The following NFYC variants were observed in gnomAD, a reference collection of about 807,000 sequenced individuals.
NFYC encodes CAAT box DNA-binding protein subunit C.
A neutral mutation model predicts 53.1 loss-of-function variants in NFYC; 25 were observed. The ratio of observed to expected loss-of-function variants is 0.47; its 90% confidence interval spans 0.34 to 0.66. The LOEUF (loss-of-function observed/expected upper bound fraction) is 0.66. NFYC is among the 30% of genes least tolerant of loss of function. The probability of loss-of-function intolerance (pLI) is 0.01; values close to 1 mark genes in which losing one functional copy is unlikely to be tolerated. For missense variants in NFYC, 260 were observed against 422.7 expected, an observed-to-expected ratio of 0.62 and a Z score of 3.38; for synonymous variants, 145 against 152.6, an observed-to-expected ratio of 0.95 and a Z score of 0.37.
intron 1 of NFYC, among the ~76,000 whole-genome samples, chr1:40,733,011 C>A (rs1253384423): frequency 1.1e-4 from 8 of 74,706 alleles, no homozygotes; most frequent in African/African-American, 3.1e-4. Flanking sequence ...AAGATTCGCC[C>A]CCCCCCCCTT....
chr1:40,715,333 T>C (rs1644093377), intron 1 of NFYC, among the ~76,000 whole-genome samples: 1 of 148,696 alleles, frequency 6.7e-6, no homozygotes, highest in Non-Finnish European at 1.5e-5. Context: ...CAGTGAGCCA[T>C]GATAGTGCCA....
chr1:40,697,072 A>G (rs1643187789), intron 1 of NFYC, among the ~76,000 whole-genome samples: 1 of 152,180 alleles, frequency 6.6e-6, no homozygotes. Flanking sequence ...CAGTGCATTT[A>G]CCCTCTGTGC....
intron 1 of NFYC, among the ~76,000 whole-genome samples, chr1:40,700,616 G>C (rs1230298018): frequency 6.6e-6 from 1 of 151,960 alleles, no homozygotes; most frequent in African/African-American, 2.4e-5. Flanking sequence ...AGAGTGTTGG[G>C]ATTACAGGTG....
In NFYC at chr1:40,771,455, A is replaced by T. The variant is rs1314221347; in HGVS notation, c.*627A>T. The T allele has an allele frequency of 2.1e-6, 1 of 470,062 alleles. No individual in the cohort carries two copies. Among genetic ancestry groups the T allele is most frequent in the South Asian group, 1.6e-5 (1 of 64,350 alleles). The allele number at this position is 470,062 out of a possible 1,614,324, so 29.1% of individuals were successfully genotyped here. On this transcript the variant is annotated 3_prime_UTR_variant, in exon 10 of 10. Transcript: ENST00000447388. ...GGAGAGTGGGTGGATTCATTGCCAC[A>T]CTCTTTTCTCCCAGGGACCCAGGAA...
At chr1:40,728,009 G>T (rs931561169) in intron 1 of NFYC, among the ~76,000 whole-genome samples, 8 of 152,030 alleles carry the variant, frequency 5.3e-5, no homozygotes, top group Non-Finnish European at 8.8e-5. Flanking sequence ...TGTGATCTCG[G>T]ATCACTGCAG....
At chr1:40,715,408 CTTT>C (rs778550066) in intron 1 of NFYC, among the ~76,000 whole-genome samples, 2 of 145,922 alleles carry the variant, frequency 1.4e-5, no homozygotes, top group African/African-American at 2.5e-5. Context: ...AAAACAAAAA[CTTT>C]TTTTTTTTTT....
chr1:40,705,815 C>T (rs910079249), intron 1 of NFYC, among the ~76,000 whole-genome samples: 2 of 152,254 alleles, frequency 1.3e-5, no homozygotes, highest in East Asian at 1.9e-4. Flanking sequence ...GGGATGATCA[C>T]GGCTCATTGC....
intron 4 of NFYC, among the ~76,000 whole-genome samples, chr1:40,751,149 A>G (rs947937121): frequency 6.6e-6 from 1 of 152,240 alleles, no homozygotes; most frequent in African/African-American, 2.4e-5. Flanking sequence ...ATATAGGAAT[A>G]TATAAACAAA....
At chr1:40,769,747 C>T (rs763283725) in intron 9 of NFYC, among the ~76,000 whole-genome samples, 9 of 152,100 alleles carry the variant, frequency 5.9e-5, no homozygotes, top group Non-Finnish European at 7.4e-5. Context: ...CTGTTTCCCT[C>T]TCTAGAACTG....
chr1:40,720,264 T>C (rs906440675), intron 1 of NFYC, among the ~76,000 whole-genome samples: 6 of 152,320 alleles, frequency 3.9e-5, no homozygotes, highest in Admixed American at 2.0e-4. Context: ...CAAGCTCATA[T>C]TGACATTATT....
chr1:40,766,782 A>G, intron 8 of NFYC, 79 bp downstream of exon 8: 1 of 1,510,124 alleles, frequency 6.6e-7, no homozygotes, highest in Non-Finnish European at 9.2e-7. Context: ...CGCTCAGCAC[A>G]CAGCTGTCTT....
chr1:40,766,563 C>T lies in NFYC; in HGVS notation c.721-33C>T, dbSNP rs1329362320. On this transcript the variant is annotated intron_variant, in intron 7 of 9. Transcript: ENST00000447388. ...GCCTGTTTGAGATTATACTCAATGT[C>T]TTATGGTCTCTTTGTCTCTGCCCCT... 4.6e-6 allele frequency: 7 copies of T among 1,521,052 alleles called. 1 individual carries two copies. The Admixed American group carries it at 1.0e-4, about 23-fold the overall frequency. 94.2% of individuals were successfully genotyped at this position (1,521,052 alleles called of 1,614,324 possible).
intron 1 of NFYC, chr1:40,695,579 C>T (rs532068): frequency 0.12 from 18,652 of 152,042 alleles, 1,268 homozygotes; most frequent in African/African-American, 0.15. Context: ...CACCACAACA[C>T]CCAGCTAATT....
At chr1:40,769,284 T>C in intron 8 of NFYC, 72 bp from the exon 9 acceptor site, 4 of 1,476,774 alleles carry the variant, frequency 2.7e-6, no homozygotes, top group Non-Finnish European at 2.8e-6. Flanking sequence ...TTTATGACCC[T>C]CTTTTGGGTG....
In NFYC at chr1:40,753,363, C is replaced by T. The variant is rs1036058723; in HGVS notation, c.387+117C>T. On this transcript the variant is annotated intron_variant, in intron 5 of 9. Transcript: ENST00000447388. ...TTGCTATTCCTTTTGCTTCTCGTTT[C>T]TAGACCAGATTCATTCTTAACATCT... The T allele has an allele frequency of 2.9e-5, 19 of 661,582 alleles. 1 individual carries two copies. In the African/African-American group the frequency reaches 3.4e-4, roughly 12 times the overall value. 41.0% of individuals were successfully genotyped at this position (661,582 alleles called of 1,614,324 possible). A position where few individuals can be genotyped will look rare whatever the true frequency, so the allele number is the denominator to read the frequency against.
intron 7 of NFYC, among the ~76,000 whole-genome samples, chr1:40,764,112 T>C (rs1646698529): frequency 6.6e-6 from 1 of 152,238 alleles, no homozygotes; most frequent in African/African-American, 2.4e-5. Flanking sequence ...AATGTGTCCT[T>C]GTCTTAACAC....
intron 8 of NFYC, among the ~76,000 whole-genome samples, chr1:40,767,738 G>A (rs1268146362): frequency 1.3e-5 from 2 of 152,180 alleles, no homozygotes; most frequent in Non-Finnish European, 2.9e-5. Context: ...CACTTTGGGA[G>A]GGAGGCTGAG....
chr1:40,706,089 A>G (rs892611133), intron 1 of NFYC, among the ~76,000 whole-genome samples: 3 of 151,652 alleles, frequency 2.0e-5, no homozygotes, highest in African/African-American at 7.3e-5. Flanking sequence ...ATAATGGTTT[A>G]TGCTATCTAC....
chr1:40,695,132 G>A (rs773512276), intron 1 of NFYC, among the ~76,000 whole-genome samples: 2 of 151,918 alleles, frequency 1.3e-5, no homozygotes, highest in African/African-American at 4.8e-5. Context: ...CCAGCTACTC[G>A]GAAGACTGAG....
Sources: allele counts gnomAD v4.1 joint callset (sites outside exome capture counted in the v4.1 genomes callset), GRCh38; gene constraint gnomAD v4.1.1; transcripts MANE v1.5; gene names NCBI Gene and HGNC (gene_info 2026-07-23, HGNC 2026-07-21).